The following DYNC1H1 variants were observed in gnomAD, a reference collection of about 807,000 sequenced individuals.
The protein encoded by DYNC1H1 is dynein cytoplasmic 1 heavy chain 1.
DYNC1H1 carries 51 observed loss-of-function variants against 527.1 expected under a neutral mutation model. The observed-to-expected ratio is 0.10, with a 90% confidence interval of 0.08 to 0.12. DYNC1H1 has a LOEUF of 0.12. Ranked by LOEUF, DYNC1H1 falls within the 10% of genes least tolerant of loss-of-function variation. The probability of loss-of-function intolerance (pLI) is 1.00; values close to 1 mark genes in which losing one functional copy is unlikely to be tolerated. For synonymous variants in DYNC1H1, 2,189 were observed against 2,278.8 expected (o/e 0.96, Z 1.12); for missense variants, 2,771 against 5,971.8 (o/e 0.46, Z 17.66).
In DYNC1H1 at chr14:101,964,833, G is replaced by A. The variant is rs756016984; in HGVS notation, c.142G>A (p.Ala48Thr). The change falls in exon 1 of 78, where the codon GCG becomes ACG. Residue 48 changes from alanine to threonine, a missense_variant. Ala to Thr is a moderately conservative substitution (Grantham distance 58). Around this residue, in one of 32 missense-constraint regions of DYNC1H1, gnomAD observed 101 missense variants for 105.3 expected, o/e 0.96. Coordinates refer to ENST00000360184, the MANE Select transcript of DYNC1H1 (RefSeq NM_001376.5). This position sits in a 1 kb window ranked among gnomAD's most constrained non-coding sequence, Gnocchi z 5.5. ...VPLLLEDGGE[A>T]PAALEAALEE... is the part of the protein sequence containing the mutation. Reference sequence around the variant, plus strand: ...GCTGCTGCTGGAGGACGGCGGCGAGGCGCCGGCCGCGCTGGAGGCGGCGCT... The same window carrying A: ...GCTGCTGCTGGAGGACGGCGGCGAGACGCCGGCCGCGCTGGAGGCGGCGCT... 6.2e-7 allele frequency: 1 copy of A among 1,600,124 alleles called. No homozygotes were observed. Among genetic ancestry groups the A allele is most frequent in the Admixed American group, 1.7e-5 (1 of 58,042 alleles).
In DYNC1H1 at chr14:102,041,353, C is replaced by T. The variant is rs879000057; in HGVS notation, c.11942-221C>T. ...TAATCTAAAAATCAGCAAATGGCAC[C>T]TTTGTCCTATGGATACATCCAGGTA... is the stretch of plus-strand genomic sequence containing the variant. On this transcript the variant is annotated intron_variant, in intron 64 of 77. Transcript: ENST00000360184. This position sits in a 1 kb window ranked among gnomAD's most constrained non-coding sequence, Gnocchi z 4.5. The T allele has an allele frequency of 9.3e-5, 63 of 676,254 alleles. No homozygotes were observed. The South Asian group carries it at 1.1e-3, about 11-fold the overall frequency. The allele number at this position is 676,254 out of a possible 1,614,324, so 41.9% of individuals were successfully genotyped here. A position where few individuals can be genotyped will look rare whatever the true frequency, so the allele number is the denominator to read the frequency against.
rs997475242 is a variant in DYNC1H1, at chr14:102,044,952, C to T, written c.13006+254C>T. 57 of 556,550 alleles carry T rather than the reference C, an allele frequency of 1.0e-4. No individual in the cohort carries two copies. The highest frequency in any genetic ancestry group is 1.1e-4 in the Non-Finnish European group (35 of 309,906). 34.5% of individuals were successfully genotyped at this position (556,550 alleles called of 1,614,324 possible). A position where few individuals can be genotyped will look rare whatever the true frequency, so the allele number is the denominator to read the frequency against. ...CATCAACTCAGTTCTAGAGAAAAGG[C>T]TTGATATTTATGTAAATGAGCCTAG... On this transcript the variant is annotated intron_variant, in intron 72 of 77. Transcript: ENST00000360184. The surrounding 1 kb of genome is among the most constrained non-coding windows in gnomAD (Gnocchi z 7.1).
chr14:101,974,108 A>T (rs139537814), intron 1 of DYNC1H1, among the ~76,000 whole-genome samples: 2,528 of 151,828 alleles, frequency 0.017, 70 homozygotes, highest in African/African-American at 0.057. Context: ...TTATTTATTT[A>T]TTTTTTTTGA....
In DYNC1H1 at chr14:101,986,235, C is replaced by T. The variant is rs372736615; in HGVS notation, c.2010C>T (p.Gly670=). ...TGAAGCGGGTGGAAGATGTCCTTGG[C>T]AAGGGCTGGGAGAATCACGTGGAGG... ...AYMKRVEDVL[G]KGWENHVEGQ... Residue 670 remains glycine (G), a synonymous_variant, in exon 8 of 78, where the codon GGC becomes GGT. Transcript: ENST00000360184. The surrounding 1 kb of genome is among the most constrained non-coding windows in gnomAD (Gnocchi z 8.7). The T allele has an allele frequency of 8.1e-6, 13 of 1,614,058 alleles. No homozygotes were observed. Among genetic ancestry groups the T allele is most frequent in the Middle Eastern group, 1.6e-4 (1 of 6,062 alleles).
In DYNC1H1 at chr14:102,030,144, G is replaced by C; in HGVS notation, c.9763-18G>C. Reference sequence around the variant, plus strand: ...TAACCAATGCTTAACCCATACCTAAGCCATCCCTCCTTTCTAGGTTATGAG... The same window carrying C: ...TAACCAATGCTTAACCCATACCTAACCCATCCCTCCTTTCTAGGTTATGAG... On this transcript the variant is annotated intron_variant, in intron 50 of 77. Transcript: ENST00000360184. 2.5e-6 allele frequency: 4 copies of C among 1,614,036 alleles called. 1 individual carries two copies. In the South Asian group the frequency reaches 4.4e-5, roughly 18 times the overall value.
intron 15 of DYNC1H1, among the ~76,000 whole-genome samples, chr14:101,996,564 C>G (rs1020034578): frequency 6.6e-6 from 1 of 152,174 alleles, no homozygotes; most frequent in African/African-American, 2.4e-5. Flanking sequence ...GGATGTTGCC[C>G]TCTGGCCACG....
chr14:101,988,210 C>G (rs543930786), intron 9 of DYNC1H1, among the ~76,000 whole-genome samples: 1 of 152,186 alleles, frequency 6.6e-6, no homozygotes, highest in East Asian at 1.9e-4. Context: ...ATTTGTCCTT[C>G]CTTGCTTTCC....
In DYNC1H1 at chr14:102,017,426, G is replaced by T. The variant is rs2048335954; in HGVS notation, c.8099G>T (p.Trp2700Leu). ...GGFYRTSDQT[W>L]VKLERIQFVG... ...TTTTACCGTACCTCAGATCAAACATGGGTGAAGCTGGAGAGAATCCAGTTT... is the reference window on the plus strand; with the variant it reads ...TTTTACCGTACCTCAGATCAAACATTGGTGAAGCTGGAGAGAATCCAGTTT... Residue 2700 changes from tryptophan to leucine, a missense_variant, in exon 40 of 78, where the codon TGG becomes TTG. Transcript: ENST00000360184. This position sits in a 1 kb window ranked among gnomAD's most constrained non-coding sequence, Gnocchi z 4.6. 6.2e-7 allele frequency: 1 copy of T among 1,614,180 alleles called. No homozygotes were observed. The highest frequency in any genetic ancestry group is 8.5e-7 in the Non-Finnish European group (1 of 1,180,024).
In DYNC1H1 at chr14:101,974,013, A is replaced by G. The variant is rs1005380607; in HGVS notation, c.257-1699A>G. Among the ~76,000 whole-genome samples, 4 of 152,228 alleles carry G rather than the reference A, an allele frequency of 2.6e-5. No homozygotes were observed. The East Asian group carries it at 7.7e-4, about 29-fold the overall frequency. On this transcript the variant is annotated intron_variant, in intron 1 of 77. Coordinates refer to ENST00000360184, the MANE Select transcript of DYNC1H1 (RefSeq NM_001376.5). ...TTTACACCTTACAAATTTGAAGCCC[A>G]GAGAAAGAAAAATGACTTTCTCAAG...
At position 102,054,669 on chromosome 14, in the gene DYNC1H1, A is replaced by C. The variant is rs1214881361; in HGVS notation, c.*4106A>C. On this transcript the variant is annotated 3_prime_UTR_variant, in exon 78 of 78. Transcript: ENST00000360184. Reference sequence around the variant, plus strand: ...CTGCAACCTCCGCCTCCCAAGTTCAAATGATTCTCCTACCTCAGCCTCCCA... The same window carrying C: ...CTGCAACCTCCGCCTCCCAAGTTCACATGATTCTCCTACCTCAGCCTCCCA... The C allele has an allele frequency of 2.6e-5, 4 of 151,264 alleles. No homozygotes were observed. Among genetic ancestry groups the C allele is most frequent in the African/African-American group, 9.8e-5 (4 of 40,944 alleles). 9.4% of individuals were successfully genotyped at this position (151,264 alleles called of 1,614,324 possible).
At chr14:101,996,425 C>T (rs982599549) in intron 15 of DYNC1H1, among the ~76,000 whole-genome samples, 4 of 150,950 alleles carry the variant, frequency 2.6e-5, no homozygotes, top group Non-Finnish European at 5.9e-5. Flanking sequence ...CCACCATGCC[C>T]GGCCAAGTAT....
chr14:101,995,747 A>G (rs2048053396), intron 15 of DYNC1H1, among the ~76,000 whole-genome samples: 2 of 152,012 alleles, frequency 1.3e-5, no homozygotes. Context: ...CTCTGTTACA[A>G]CAGCCTGATG....
rs748736948 is a variant in DYNC1H1 at position 102,029,661 on chromosome 14, G to A, written c.9591G>A (p.Gln3197=). 1.2e-6 allele frequency: 2 copies of A among 1,614,242 alleles called. No homozygotes were observed. The highest frequency in any genetic ancestry group is 1.7e-5 in the Admixed American group (1 of 60,034). The change falls in exon 49 of 78, where the codon CAG becomes CAA. Residue 3197 remains glutamine (Q), a synonymous_variant. Transcript: ENST00000360184. The surrounding 1 kb of genome is among the most constrained non-coding windows in gnomAD (Gnocchi z 5.3). ...AGAAGCGGAGCGAGCTGGAGGAGCA[G>A]CAGATGCACTTGAACGTGGGGCTCA... is the stretch of plus-strand genomic sequence containing the variant. ...FHEKRSELEE[Q]QMHLNVGLRK...
In DYNC1H1 at chr14:101,986,309, C is replaced by T. The variant is rs1312447748; in HGVS notation, c.2084C>T (p.Thr695Met). The T allele has an allele frequency of 2.5e-6, 4 of 1,613,846 alleles. No homozygotes were observed. The highest frequency in any genetic ancestry group is 3.4e-6 in the Non-Finnish European group (4 of 1,179,960). Reference protein sequence around the residue: ...DGDSFRMKLNTQEIFDDWARK... With the variant: ...DGDSFRMKLNMQEIFDDWARK... Reference sequence around the variant, plus strand: ...GACAGCTTCCGCATGAAGCTCAACACGCAGGAGATCTTTGATGACTGGGCA... The same window carrying T: ...GACAGCTTCCGCATGAAGCTCAACATGCAGGAGATCTTTGATGACTGGGCA... The change falls in exon 8 of 78, where the codon ACG (threonine) becomes ATG (methionine). Residue 695 changes from threonine to methionine, a missense_variant. This residue lies in a region of DYNC1H1 where 264 missense variants were observed against 619.4 expected (regional missense o/e 0.43). Coordinates refer to ENST00000360184, the MANE Select transcript of DYNC1H1 (RefSeq NM_001376.5). The surrounding 1 kb of genome is among the most constrained non-coding windows in gnomAD (Gnocchi z 8.7).
At position 102,033,576 on chromosome 14, in the gene DYNC1H1, C is replaced by T. The variant is rs568517173; in HGVS notation, c.10413+92C>T. ...TGCGCTGCATGCACCATGCTGGCCT[C>T]GGTGAATTCGCTCTTTAACATCTGT... is the stretch of plus-strand genomic sequence containing the variant. On this transcript the variant is annotated intron_variant, in intron 54 of 77. Coordinates refer to ENST00000360184, the MANE Select transcript of DYNC1H1 (RefSeq NM_001376.5). The surrounding 1 kb of genome is among the most constrained non-coding windows in gnomAD (Gnocchi z 5.6). The T allele has an allele frequency of 5.2e-5, 79 of 1,515,100 alleles. 1 individual carries two copies. Among genetic ancestry groups the T allele is most frequent in the Admixed American group, 4.8e-4 (25 of 52,470 alleles). The allele number at this position is 1,515,100 out of a possible 1,614,324, so 93.9% of individuals were successfully genotyped here. A position where few individuals can be genotyped will look rare whatever the true frequency, so the allele number is the denominator to read the frequency against.
intron 15 of DYNC1H1, 129 bp from the exon 16 acceptor site, chr14:101,996,906 A>G: frequency 2.2e-6 from 3 of 1,352,454 alleles, no homozygotes; most frequent in Non-Finnish European, 3.0e-6. Context: ...TACAGGCAAG[A>G]ACCACTGTGT....
In DYNC1H1 at chr14:102,033,521, T is replaced by C. The variant is rs1301851734; in HGVS notation, c.10413+37T>C. 4 of 1,611,484 alleles carry C rather than the reference T, an allele frequency of 2.5e-6. No homozygotes were observed. The highest frequency in any genetic ancestry group is 3.3e-5 in the Admixed American group (2 of 59,704). The stretch of plus-strand genomic sequence containing the variant: ...ATCATTGATCCTCAGCCTTTCCTGC[T>C]GTGGAAGCAGAGATTAACACACTTC... On this transcript the variant is annotated intron_variant, in intron 54 of 77. Coordinates refer to ENST00000360184, the MANE Select transcript of DYNC1H1 (RefSeq NM_001376.5). This position sits in a 1 kb window ranked among gnomAD's most constrained non-coding sequence, Gnocchi z 5.6.
chr14:102,046,901 C>T (rs1024401104), intron 72 of DYNC1H1, among the ~76,000 whole-genome samples: 3 of 151,970 alleles, frequency 2.0e-5, no homozygotes, highest in Non-Finnish European at 1.5e-5. Context: ...TGGGCTCAAG[C>T]GATCCCCCCA....
In DYNC1H1 at chr14:102,034,359, C is replaced by T. The variant is rs1567019533; in HGVS notation, c.10661C>T (p.Ser3554Phe). 1 of 1,614,186 alleles carries T rather than the reference C, an allele frequency of 6.2e-7. No individual in the cohort carries two copies. The highest frequency in any genetic ancestry group is 1.1e-5 in the South Asian group (1 of 91,086). Residue 3554 changes from serine to phenylalanine, a missense_variant, in exon 56 of 78, where the codon TCC becomes TTC. Physicochemically the swap from Ser to Phe is radical, Grantham distance 155. Around this residue, in one of 32 missense-constraint regions of DYNC1H1, gnomAD observed 283 missense variants for 737.6 expected, o/e 0.38. Coordinates refer to ENST00000360184, the MANE Select transcript of DYNC1H1 (RefSeq NM_001376.5). ...GATATTGCCAGGACGGAATACCTTT[C>T]CAATGCTGATGAGCGTCTTCGCTGG... ...RTDIARTEYLSNADERLRWQA... is the reference protein window; with the variant it reads ...RTDIARTEYLFNADERLRWQA...
Sources: gnomAD v4.1 joint callset for allele counts (sites outside exome capture counted in the v4.1 genomes callset) on GRCh38, gnomAD v4.1.1 for gene constraint, gnomAD v4.1.1 regional missense constraint, Gnocchi (gnomAD v3.1) non-coding constraint, MANE v1.5 for transcripts, NCBI Gene and HGNC (gene_info 2026-07-23, HGNC 2026-07-21) for gene names.